TVP23A: variants seen among roughly 807,000 people sequenced by gnomAD.
The protein encoded by TVP23A is trans-golgi network vesicle protein 23 homolog A.
TVP23A carries 21 observed loss-of-function variants against 31.7 expected under a neutral mutation model. The observed-to-expected ratio is 0.66, with a 90% confidence interval of 0.47 to 0.95. TVP23A has a LOEUF of 0.95. TVP23A is among the 40% of genes least tolerant of loss of function. The pLI is 0.00. For missense variants in TVP23A, 279 were observed against 255.6 expected (o/e 1.09, Z -0.62); for synonymous variants, 104 against 96.0 (o/e 1.08, Z -0.49).
intron 2 of TVP23A, among the ~76,000 whole-genome samples, chr16:10,798,992 C>T (rs7191445): frequency 0.2 from 31,134 of 152,202 alleles, 6,835 homozygotes; most frequent in African/African-American, 0.55. Context: ...CACTCTCTCC[C>T]TCATTCTCCC....
chr16:10,818,234 A>ACCCCC lies in TVP23A; in HGVS notation c.10-53_10-52insGGGGG. On this transcript the variant is annotated intron_variant, in intron 1 of 7. Transcript: ENST00000299866. The surrounding 1 kb of genome is among the most constrained non-coding windows in gnomAD (Gnocchi z 4.7). ...AGGCCCAAGCACGGCGCACACCCCA[A>ACCCCC]CCCCACCCGCCCTGTCCTCCTGGGC... 1 of 1,376,194 alleles carries ACCCCC rather than the reference A, an allele frequency of 7.3e-7. No homozygotes were observed. The highest frequency in any genetic ancestry group is 1.0e-6 in the Non-Finnish European group (1 of 1,003,888). 85.2% of individuals were successfully genotyped at this position (1,376,194 alleles called of 1,614,324 possible).
intron 7 of TVP23A, 104 bp from the exon 8 acceptor site, chr16:10,769,205 G>A: frequency 2.9e-6 from 3 of 1,026,222 alleles, no homozygotes; most frequent in South Asian, 1.4e-5. Context: ...GTGGGTCACA[G>A]CAAAAGGACC....
chr16:10,794,032 T>C (rs556391238), intron 2 of TVP23A, among the ~76,000 whole-genome samples: 4 of 151,644 alleles, frequency 2.6e-5, no homozygotes, highest in Non-Finnish European at 2.9e-5. Flanking sequence ...AGGTGATGCA[T>C]TGAATGCTGC....
chr16:10,792,573 T>C (rs1262896746), intron 2 of TVP23A, among the ~76,000 whole-genome samples: 1 of 152,214 alleles, frequency 6.6e-6, no homozygotes, highest in Non-Finnish European at 1.5e-5. Flanking sequence ...ATTTGCAAGA[T>C]GAACTCAGTT....
intron 3 of TVP23A, 24 bp downstream of exon 3, chr16:10,774,928 T>G (rs984065677): frequency 6.2e-7 from 1 of 1,606,026 alleles, no homozygotes; most frequent in Middle Eastern, 1.7e-4. Flanking sequence ...TCGGAAGTGA[T>G]GACATCACAC....
chr16:10,806,632 G>C (rs1053752140), intron 2 of TVP23A, among the ~76,000 whole-genome samples: 9 of 152,148 alleles, frequency 5.9e-5, no homozygotes, highest in African/African-American at 2.2e-4. Context: ...CGCCTGAATA[G>C]CTGGGATTAC....
At chr16:10,792,383 C>T (rs755431233) in intron 2 of TVP23A, among the ~76,000 whole-genome samples, 3 of 152,104 alleles carry the variant, frequency 2.0e-5, no homozygotes, top group Non-Finnish European at 2.9e-5. Context: ...TGATGTTTGC[C>T]CAGGAAGAAG....
At chr16:10,815,778 T>TA (rs145834869) in intron 2 of TVP23A, among the ~76,000 whole-genome samples, 5,731 of 152,320 alleles carry the variant, frequency 0.038, 137 homozygotes, top group Non-Finnish European at 0.051. Flanking sequence ...ATACAGTAGA[T>TA]ACTCAATAGA....
Position 10,795,282 on chromosome 16 carries a change from G to A in TVP23A, c.90-20186C>T, listed in dbSNP as rs139086653. 7.9e-3 allele frequency among the ~76,000 whole-genome samples: 1,171 copies of A among 148,296 alleles called. 19 individuals are homozygous for A. The highest frequency in any genetic ancestry group is 0.028 in the African/African-American group (1,111 of 39,956). On this transcript the variant is annotated intron_variant, in intron 2 of 7. Transcript: ENST00000299866. ...TTTTTTTTTTTAAAGACAGAGTCTC[G>A]CTCTGTTGCCCAGACTGGAGTGCAG...
intron 2 of TVP23A, among the ~76,000 whole-genome samples, chr16:10,807,047 A>G (rs186043442): frequency 3.9e-5 from 6 of 152,224 alleles, no homozygotes; most frequent in African/African-American, 1.4e-4. Flanking sequence ...TATGTGTCAT[A>G]TTTCTATAAT....
intron 2 of TVP23A, among the ~76,000 whole-genome samples, chr16:10,815,846 C>G (rs1425830738): frequency 6.6e-6 from 1 of 152,148 alleles, no homozygotes; most frequent in African/African-American, 2.4e-5. Flanking sequence ...GATTCCAGTT[C>G]TTTTGGAATC....
At chr16:10,758,119 A>G, downstream of TVP23A, 1 of 1,445,316 alleles carries the variant, frequency 6.9e-7, no homozygotes, top group Non-Finnish European at 9.4e-7. Context: ...GGTCTCACCA[A>G]GGCTCTTCCC....
In TVP23A at chr16:10,768,885, C is replaced by T. The variant is rs1246488657; in HGVS notation, c.*217G>A. 3.4e-5 allele frequency: 21 copies of T among 616,682 alleles called. No individual in the cohort carries two copies. The highest frequency in any genetic ancestry group is 5.6e-5 in the African/African-American group (3 of 53,432). 38.2% of individuals were successfully genotyped at this position (616,682 alleles called of 1,614,324 possible). On this transcript the variant is annotated 3_prime_UTR_variant, in exon 8 of 8. Transcript: ENST00000299866. The surrounding 1 kb of genome is among the most constrained non-coding windows in gnomAD (Gnocchi z 4.3). ...GCAAGATGGGTAGTGTGAGGTATTC[C>T]GGTCACTTTCAAAGACTCAGGGCAT...
At chr16:10,793,165 T>C (rs545202117) in intron 2 of TVP23A, among the ~76,000 whole-genome samples, 1 of 152,262 alleles carries the variant, frequency 6.6e-6, no homozygotes, top group South Asian at 2.1e-4. Context: ...GGCACGCACC[T>C]GTAATCCTAT....
downstream of TVP23A, among the ~76,000 whole-genome samples, chr16:10,758,409 G>T (rs1181086877): frequency 6.6e-6 from 1 of 152,206 alleles, no homozygotes; most frequent in African/African-American, 2.4e-5. Flanking sequence ...GGGAAAGGAG[G>T]TTGCAGTGAG....
At chr16:10,803,238 C>T (rs1232541346) in intron 2 of TVP23A, among the ~76,000 whole-genome samples, 1 of 115,890 alleles carries the variant, frequency 8.6e-6, no homozygotes, top group Non-Finnish European at 1.6e-5. Context: ...GAGCCGAGAT[C>T]GCGCCACTGT....
intron 2 of TVP23A, among the ~76,000 whole-genome samples, chr16:10,784,389 GAA>G (rs886378352): frequency 7.7e-6 from 1 of 129,086 alleles, no homozygotes; most frequent in Admixed American, 7.7e-5. Context: ...ACCAAAAAAA[GAA>G]AAAAAAAAAA....
chr16:10,784,112 T>A (rs931584532), intron 2 of TVP23A, among the ~76,000 whole-genome samples: 1 of 152,008 alleles, frequency 6.6e-6, no homozygotes, highest in African/African-American at 2.4e-5. Context: ...AGGGGGCAGA[T>A]AGCTTGAGCC....
At position 10,773,388 on chromosome 16, in the gene TVP23A, C is replaced by A; in HGVS notation, c.378G>T (p.Leu126=). 1 of 1,611,430 alleles carries A rather than the reference C, an allele frequency of 6.2e-7. No homozygotes were observed. ...ATEAEARIFW[L]GLIICPMIWI... is the part of the protein sequence containing the mutation. ...ATATCATGGGGCAGATTATGAGGCC[C>A]AGCCAGAAGATTCGTGCTTCAGCTT... is the stretch of plus-strand genomic sequence containing the variant. The change falls in exon 5 of 8, where the codon CTG becomes CTT. Residue 126 remains leucine, a synonymous_variant. Coordinates refer to ENST00000299866, the MANE Select transcript of TVP23A (RefSeq NM_001079512.4).
Sources: allele counts gnomAD v4.1 joint callset (sites outside exome capture counted in the v4.1 genomes callset), GRCh38; gene constraint gnomAD v4.1.1; non-coding constraint Gnocchi (gnomAD v3.1); transcripts MANE v1.5; gene names NCBI Gene and HGNC (gene_info 2026-07-23, HGNC 2026-07-21).